DGKG: variants seen among roughly 807,000 people sequenced by gnomAD.
The protein encoded by DGKG is diacylglycerol kinase gamma.
In DGKG, 78 loss-of-function variants were observed where a neutral mutation model predicts 105.3. That is an observed-to-expected ratio of 0.74 (90% CI 0.62 to 0.89). The LOEUF (loss-of-function observed/expected upper bound fraction) is 0.89, where lower values mean the gene tolerates loss of function less well. Ranked by LOEUF, DGKG falls within the 40% of genes least tolerant of loss-of-function variation. The pLI, the probability that DGKG is intolerant of heterozygous loss-of-function variation, is 0.00. For synonymous variants in DGKG, 346 were observed against 367.1 expected (o/e 0.94, Z 0.66); for missense variants, 958 against 1,020.1 (o/e 0.94, Z 0.83).
intron 20 of DGKG, among the ~76,000 whole-genome samples, chr3:186,215,671 T>C (rs4686748): frequency 0.98 from 149,431 of 152,080 alleles, 73,467 homozygotes; most frequent in East Asian, 1. Context: ...AAGAGAAGAG[T>C]GGGGGAGACT....
chr3:186,269,635 CAT>C (rs1436844968), intron 11 of DGKG, among the ~76,000 whole-genome samples: 1 of 152,152 alleles, frequency 6.6e-6, no homozygotes, highest in East Asian at 1.9e-4. Flanking sequence ...GGGTGGGGCA[CAT>C]GATTAATATG....
intron 1 of DGKG, among the ~76,000 whole-genome samples, chr3:186,352,401 T>C (rs1177387002): frequency 3.3e-5 from 5 of 152,250 alleles, no homozygotes; most frequent in Non-Finnish European, 5.9e-5. Context: ...TACATGGAAA[T>C]AGACTCTCCC....
intron 8 of DGKG, among the ~76,000 whole-genome samples, chr3:186,280,404 C>G (rs1432119701): frequency 1.3e-5 from 2 of 152,224 alleles, no homozygotes; most frequent in Non-Finnish European, 2.9e-5. Context: ...TCTCTAAATT[C>G]TTTGACTGAT....
In DGKG at chr3:186,361,046, C is replaced by G. The variant is rs1373269686; in HGVS notation, c.-249+900G>C. 6.6e-6 allele frequency among the ~76,000 whole-genome samples: 1 copy of G among 152,226 alleles called. No homozygotes were observed. The highest frequency in any genetic ancestry group is 1.5e-5 in the Non-Finnish European group (1 of 68,036). On this transcript the variant is annotated intron_variant, in intron 1 of 24. Coordinates refer to ENST00000265022, the MANE Select transcript of DGKG (RefSeq NM_001346.3). The surrounding 1 kb of genome is among the most constrained non-coding windows in gnomAD (Gnocchi z 6.8). ...CGCTTCGCGCTGCAGCAGACGCTCCCGCCGCGGGGGGCGACTGGGGGAGGG... is the reference window on the plus strand; with the variant it reads ...CGCTTCGCGCTGCAGCAGACGCTCCGGCCGCGGGGGGCGACTGGGGGAGGG...
intron 20 of DGKG, among the ~76,000 whole-genome samples, chr3:186,224,364 G>A (rs1719746760): frequency 1.3e-5 from 2 of 152,272 alleles, no homozygotes; most frequent in Middle Eastern, 6.8e-3. Context: ...CTAAAGCATT[G>A]CCTTTGCCCA....
chr3:186,330,594 A>G (rs756704217), intron 1 of DGKG, among the ~76,000 whole-genome samples: 3 of 152,224 alleles, frequency 2.0e-5, no homozygotes, highest in Non-Finnish European at 4.4e-5. Context: ...GAGATCACAT[A>G]GAGACCACAT....
chr3:186,302,460 CTATATATATATATATA>C (rs58937810), intron 3 of DGKG, among the ~76,000 whole-genome samples: 71 of 48,804 alleles, frequency 1.5e-3, no homozygotes, highest in African/African-American at 4.1e-3. Context: ...GGGAAATGTG[CTATATATATATATATA>C]TATATATATA....
intron 23 of DGKG, among the ~76,000 whole-genome samples, chr3:186,162,287 G>T (rs1716331329): frequency 6.6e-6 from 1 of 152,232 alleles, no homozygotes; most frequent in Non-Finnish European, 1.5e-5. Flanking sequence ...GAGCAGTGAA[G>T]TCCACAGAAG....
intron 1 of DGKG, among the ~76,000 whole-genome samples, chr3:186,344,261 T>C (rs955757706): frequency 6.6e-6 from 1 of 152,168 alleles, no homozygotes; most frequent in Non-Finnish European, 1.5e-5. Flanking sequence ...ATAGAATTCA[T>C]TTGACCATAA....
chr3:186,148,195 G>C lies in DGKG; in HGVS notation c.*1895C>G. On this transcript the variant is annotated 3_prime_UTR_variant, in exon 25 of 25. Coordinates refer to ENST00000265022, the MANE Select transcript of DGKG (RefSeq NM_001346.3). ...CCCTTGGGAAAGGATGGTAATGCTG[G>C]CACTTGCTGAATGAAGCCCACTGAG... 4.1e-6 allele frequency: 4 copies of C among 985,476 alleles called. No individual in the cohort carries two copies. Among genetic ancestry groups the C allele is most frequent in the Non-Finnish European group, 4.8e-6 (4 of 829,968 alleles). The allele number at this position is 985,476 out of a possible 1,614,324, so 61.0% of individuals were successfully genotyped here.
chr3:186,148,647 G>T lies in DGKG; in HGVS notation c.*1443C>A, dbSNP rs1715608133. The T allele has an allele frequency of 2.0e-6, 2 of 985,182 alleles. No individual in the cohort carries two copies. The highest frequency in any genetic ancestry group is 1.7e-5 in the African/African-American group (1 of 57,186). The allele number at this position is 985,182 out of a possible 1,614,324, so 61.0% of individuals were successfully genotyped here. On this transcript the variant is annotated 3_prime_UTR_variant, in exon 25 of 25. Coordinates refer to ENST00000265022, the MANE Select transcript of DGKG (RefSeq NM_001346.3). ...CCTACTCTCAAGCTGCATTAGCCAA[G>T]ACACCATGGAAAAGTCTCTGAACTT...
At chr3:186,170,302 T>C (rs1219099861) in intron 22 of DGKG, among the ~76,000 whole-genome samples, 3 of 152,182 alleles carry the variant, frequency 2.0e-5, no homozygotes, top group Non-Finnish European at 4.4e-5. Context: ...AGTTATTGGG[T>C]GGATCATTCC....
intron 2 of DGKG, among the ~76,000 whole-genome samples, chr3:186,312,726 G>T (rs1724614466): frequency 6.6e-6 from 1 of 152,214 alleles, no homozygotes; most frequent in South Asian, 2.1e-4. Flanking sequence ...TATACAGTGA[G>T]ATGCACAAAA....
chr3:186,208,038 CTTTCTTTTT>C (rs1213529740), intron 21 of DGKG, among the ~76,000 whole-genome samples: 4 of 151,904 alleles, frequency 2.6e-5, no homozygotes, highest in South Asian at 2.1e-4. Context: ...TTTTTTCTTT[CTTTCTTTTT>C]TTTCTTTTTT....
At chr3:186,166,248 CA>C (rs1560077675) in intron 22 of DGKG, among the ~76,000 whole-genome samples, 6 of 10,658 alleles carry the variant, frequency 5.6e-4, no homozygotes, top group Non-Finnish European at 1.2e-3. Context: ...CACTAATGGA[CA>C]TCACTAATGG....
chr3:186,194,965 C>T (rs906065908), intron 21 of DGKG, among the ~76,000 whole-genome samples: 2 of 151,908 alleles, frequency 1.3e-5, no homozygotes, highest in East Asian at 1.9e-4. Flanking sequence ...ATTAGCCGGG[C>T]GTGGTGGGGG....
At position 186,215,644 on chromosome 3, in the gene DGKG, C is replaced by T. The variant is rs571664647; in HGVS notation, c.1827-3759G>A. On this transcript the variant is annotated intron_variant, in intron 20 of 24. Transcript: ENST00000265022. ...AACTGGGAAGGGCCTGGACAAGGGTCATGACAATAGCATTAGAAGAGAAGA... is the reference window on the plus strand; with the variant it reads ...AACTGGGAAGGGCCTGGACAAGGGTTATGACAATAGCATTAGAAGAGAAGA... 8.6e-5 allele frequency among the ~76,000 whole-genome samples: 13 copies of T among 152,012 alleles called. No homozygotes were observed. The South Asian group carries it at 2.7e-3, about 32-fold the overall frequency.
rs193059575 is a variant in DGKG at position 186,306,918 on chromosome 3, G to T, written c.127C>A (p.Gln43Lys). 1.1e-4 allele frequency: 170 copies of T among 1,610,792 alleles called. No individual in the cohort carries two copies. The East Asian group carries it at 3.6e-3, about 34-fold the overall frequency. ...TEFNEGGSLK[Q>K]YDPHEPISYD... Reference sequence around the variant, plus strand: ...GTTCTTACCTCATGTGGGTCATATTGTTTGAGGCTCCCACCCTCATTAAAT... The same window carrying T: ...GTTCTTACCTCATGTGGGTCATATTTTTTGAGGCTCCCACCCTCATTAAAT... Residue 43 changes from glutamine (Q) to lysine (K), a missense_variant, in exon 3 of 25, where the codon CAA becomes AAA. Transcript: ENST00000265022.
chr3:186,205,482 G>C (rs778583668), intron 21 of DGKG, among the ~76,000 whole-genome samples: 1 of 152,090 alleles, frequency 6.6e-6, no homozygotes, highest in Non-Finnish European at 1.5e-5. Context: ...GGCCAAGGTG[G>C]GTGGGTCACC....
Sources: gnomAD v4.1 joint callset for allele counts (sites outside exome capture counted in the v4.1 genomes callset) on GRCh38, gnomAD v4.1.1 for gene constraint, Gnocchi (gnomAD v3.1) non-coding constraint, MANE v1.5 for transcripts, NCBI Gene and HGNC (gene_info 2026-07-23, HGNC 2026-07-21) for gene names.